The following ARHGAP15 variants were observed in gnomAD, a reference collection of about 807,000 sequenced individuals.
ARHGAP15 encodes the protein rho GTPase-activating protein 15.
A neutral mutation model predicts 63.7 loss-of-function variants in ARHGAP15; 51 were observed. The ratio of observed to expected loss-of-function variants is 0.80; its 90% CI spans 0.64 to 1.01. The LOEUF is 1.01. Among genes scored for constraint, ARHGAP15 ranks in the 50% least tolerant of loss-of-function variants. The pLI is 0.00. For synonymous variants in ARHGAP15, 191 were observed against 193.8 expected (o/e 0.99, Z 0.12); for missense variants, 560 against 564.6 (o/e 0.99, Z 0.08).
At chr2:143,520,544 G>A (rs1694016239) in intron 10 of ARHGAP15, among the ~76,000 whole-genome samples, 1 of 152,116 alleles carries the variant, frequency 6.6e-6, no homozygotes, top group South Asian at 2.1e-4. Context: ...GTAGAAAGCA[G>A]CAACTGCAGG....
intron 6 of ARHGAP15, among the ~76,000 whole-genome samples, chr2:143,399,375 A>C (rs1482058456): frequency 1.3e-5 from 2 of 151,864 alleles, no homozygotes; most frequent in African/African-American, 4.8e-5. Context: ...ATAAAAAAAA[A>C]TGCCCTTCTT....
At chr2:143,561,698 T>C (rs1696036495) in intron 11 of ARHGAP15, among the ~76,000 whole-genome samples, 1 of 152,000 alleles carries the variant, frequency 6.6e-6, no homozygotes. Flanking sequence ...GTATTTTTAG[T>C]AGAGACAAGG....
chr2:143,722,738 G>A (rs1030316364), intron 13 of ARHGAP15, among the ~76,000 whole-genome samples: 3 of 152,208 alleles, frequency 2.0e-5, no homozygotes, highest in Non-Finnish European at 2.9e-5. Context: ...AGATTTGGAT[G>A]TTCCATGGAG....
At chr2:143,150,482 C>G (rs763547211) in intron 1 of ARHGAP15, among the ~76,000 whole-genome samples, 3 of 152,016 alleles carry the variant, frequency 2.0e-5, no homozygotes, top group Non-Finnish European at 2.9e-5. Flanking sequence ...ATTCTCATTA[C>G]TGCTTCCTGT....
rs13399393 is a variant in ARHGAP15, at chr2:143,160,892, A to C, written c.165+5237A>C. ...TGAAGAGTCCATACTTCAAAGAAAG[A>C]GCTAGGGCTCTCACAACCACATATG... On this transcript the variant is annotated intron_variant, in intron 2 of 13. Coordinates refer to ENST00000295095, the MANE Select transcript of ARHGAP15 (RefSeq NM_018460.4). 9.2e-3 allele frequency among the ~76,000 whole-genome samples: 1,406 copies of C among 152,006 alleles called. 25 individuals are homozygous for C. Among genetic ancestry groups the C allele is most frequent in the African/African-American group, 0.032 (1,334 of 41,434 alleles).
intron 3 of ARHGAP15, among the ~76,000 whole-genome samples, chr2:143,206,809 T>C (rs1273337631): frequency 2.6e-5 from 4 of 152,074 alleles, no homozygotes; most frequent in African/African-American, 9.6e-5. Context: ...ACAAAAATAA[T>C]TATGAAGAGC....
intron 1 of ARHGAP15, among the ~76,000 whole-genome samples, chr2:143,140,574 C>T (rs1383352548): frequency 6.6e-6 from 1 of 152,076 alleles, no homozygotes; most frequent in Non-Finnish European, 1.5e-5. Context: ...GACAGATCTA[C>T]TAGGGTCCTA....
chr2:143,318,656 C>A (rs1683846592), intron 6 of ARHGAP15, among the ~76,000 whole-genome samples: 1 of 151,374 alleles, frequency 6.6e-6, no homozygotes, highest in South Asian at 2.1e-4. Flanking sequence ...TATTTCTGAG[C>A]AACAGTTTTC....
chr2:143,533,070 AAC>A (rs1694588569), intron 10 of ARHGAP15, among the ~76,000 whole-genome samples: 1 of 152,222 alleles, frequency 6.6e-6, no homozygotes, highest in Non-Finnish European at 1.5e-5. Flanking sequence ...TAGAGTTTCT[AAC>A]ACACAATGAC....
intron 5 of ARHGAP15, chr2:143,236,113 A>G: frequency 9.6e-7 from 1 of 1,037,984 alleles, no homozygotes; most frequent in African/African-American, 1.7e-5. Context: ...AACTCCTACC[A>G]GGTGTCATAT....
intron 11 of ARHGAP15, among the ~76,000 whole-genome samples, chr2:143,612,144 A>G (rs1302256636): frequency 1.3e-5 from 2 of 152,208 alleles, no homozygotes; most frequent in Non-Finnish European, 2.9e-5. Context: ...CATAACAGTT[A>G]CACTTTTCCC....
intron 9 of ARHGAP15, among the ~76,000 whole-genome samples, chr2:143,494,850 C>A (rs1490860927): frequency 1.3e-5 from 2 of 152,176 alleles, no homozygotes; most frequent in African/African-American, 4.8e-5. Context: ...ATACAGAATG[C>A]TTTATATTCT....
intron 12 of ARHGAP15, among the ~76,000 whole-genome samples, chr2:143,638,822 C>T (rs998166835): frequency 1.1e-4 from 16 of 151,794 alleles, no homozygotes; most frequent in African/African-American, 3.6e-4. Context: ...TTTAAATAAA[C>T]CCCATAACTG....
chr2:143,587,543 T>A (rs757842798), intron 11 of ARHGAP15: 96 of 279,070 alleles, frequency 3.4e-4, no homozygotes, highest in Non-Finnish European at 5.9e-4. Context: ...ACATTACTTT[T>A]AAAAAAAAGC....
chr2:143,395,229 C>G (rs1162664106), intron 6 of ARHGAP15, among the ~76,000 whole-genome samples: 1 of 151,990 alleles, frequency 6.6e-6, no homozygotes, highest in Non-Finnish European at 1.5e-5. Context: ...GGGAGGGGAG[C>G]ATTTCAGCTT....
intron 12 of ARHGAP15, among the ~76,000 whole-genome samples, chr2:143,688,440 C>G (rs1249363020): frequency 6.6e-6 from 1 of 152,162 alleles, no homozygotes; most frequent in Non-Finnish European, 1.5e-5. Flanking sequence ...CCTGAACCAT[C>G]AAGGGTGGAC....
At chr2:143,373,826 T>C (rs1558928371) in intron 6 of ARHGAP15, among the ~76,000 whole-genome samples, 1 of 152,064 alleles carries the variant, frequency 6.6e-6, no homozygotes, top group Non-Finnish European at 1.5e-5. Flanking sequence ...AATATAAATA[T>C]GACTTAACAT....
At chr2:143,584,373 A>C (rs1697024286) in intron 11 of ARHGAP15, among the ~76,000 whole-genome samples, 1 of 152,090 alleles carries the variant, frequency 6.6e-6, no homozygotes, top group South Asian at 2.1e-4. Context: ...TGCCTGTAAT[A>C]TCAGCACTTT....
At chr2:143,357,087 C>T (rs1226433812) in intron 6 of ARHGAP15, among the ~76,000 whole-genome samples, 2 of 152,176 alleles carry the variant, frequency 1.3e-5, no homozygotes, top group Non-Finnish European at 2.9e-5. Flanking sequence ...ATATGGATTA[C>T]TTAAATGGGC....
Sources: gnomAD v4.1 joint callset for allele counts (sites outside exome capture counted in the v4.1 genomes callset) on GRCh38, gnomAD v4.1.1 for gene constraint, MANE v1.5 for transcripts, NCBI Gene and HGNC (gene_info 2026-07-23, HGNC 2026-07-21) for gene names.